Variants in KSR2 observed in about 807,000 individuals in gnomAD.
KSR2 encodes kinase suppressor of ras 2.
In KSR2, 25 loss-of-function variants were observed where a neutral mutation model predicts 107.8. The observed-to-expected ratio is 0.23, with a 90% confidence interval of 0.17 to 0.32. KSR2 has a LOEUF of 0.32. Among genes scored for constraint, KSR2 ranks in the 10% least tolerant of loss-of-function variants. The pLI is 1.00. For missense variants in KSR2, 887 were observed against 1,268.9 expected, an observed-to-expected ratio of 0.70 and a Z score of 4.57; for synonymous variants, 480 against 507.0, an observed-to-expected ratio of 0.95 and a Z score of 0.71.
chr12:117,530,021 AAAAC>A (rs1328673045), intron 12 of KSR2, among the ~76,000 whole-genome samples: 1 of 152,150 alleles, frequency 6.6e-6, no homozygotes, highest in Non-Finnish European at 1.5e-5. Context: ...ACTCTGTCTC[AAAAC>A]AAACAAACAA....
intron 15 of KSR2, 76 bp downstream of exon 15, chr12:117,485,519 C>A: frequency 9.0e-7 from 1 of 1,111,614 alleles, no homozygotes; most frequent in Non-Finnish European, 1.4e-6. Context: ...CTTAGGAGCC[C>A]TGGGGTAGGG....
chr12:117,515,030 C>T (rs1373786549), intron 14 of KSR2, among the ~76,000 whole-genome samples: 1 of 152,140 alleles, frequency 6.6e-6, no homozygotes, highest in Non-Finnish European at 1.5e-5. Flanking sequence ...GGGGCAGGTT[C>T]CAGGTCCCCA....
At chr12:117,887,871 G>C (rs1894222941) in intron 1 of KSR2, among the ~76,000 whole-genome samples, 1 of 152,150 alleles carries the variant, frequency 6.6e-6, no homozygotes, top group Non-Finnish European at 1.5e-5. Flanking sequence ...GGCCAGGAGT[G>C]GGCAGCCACA....
intron 14 of KSR2, among the ~76,000 whole-genome samples, chr12:117,513,017 TC>T (rs1308303275): frequency 6.6e-6 from 1 of 150,622 alleles, no homozygotes; most frequent in Non-Finnish European, 1.5e-5. Context: ...CGCCCACCCC[TC>T]CCCCCGCAAA....
At chr12:117,944,152 G>A (rs189269784) in intron 1 of KSR2, among the ~76,000 whole-genome samples, 1,880 of 151,448 alleles carry the variant, frequency 0.012, 40 homozygotes, top group Non-Finnish European at 0.015. Context: ...TGAGGCAGGC[G>A]GATCACCTGA....
chr12:117,745,386 A>C (rs2136801003), intron 4 of KSR2, among the ~76,000 whole-genome samples: 1 of 152,370 alleles, frequency 6.6e-6, no homozygotes, highest in Non-Finnish European at 1.5e-5. Flanking sequence ...AAAGGAAACA[A>C]TCAAGAGAGT....
Position 117,682,106 on chromosome 12 carries a change from A to C in KSR2, c.987-14448T>G, listed in dbSNP as rs561902100. On this transcript the variant is annotated intron_variant, in intron 4 of 19. Transcript: ENST00000339824. The stretch of plus-strand genomic sequence containing the variant: ...TGCAGCCATAAAAAGAAATGAGATC[A>C]TGTCCTTTGCAGGGACATGGACTGA... 2.0e-4 allele frequency among the ~76,000 whole-genome samples: 31 copies of C among 152,332 alleles called. 1 individual carries two copies. The highest frequency in any genetic ancestry group is 3.4e-3 in the Middle Eastern group (1 of 294).
At chr12:117,808,672 C>G (rs1891089399) in intron 3 of KSR2, among the ~76,000 whole-genome samples, 1 of 152,166 alleles carries the variant, frequency 6.6e-6, no homozygotes, top group Non-Finnish European at 1.5e-5. Context: ...CTCTGCCCAT[C>G]TCTCCATCCT....
chr12:117,765,226 G>C (rs1255279391), intron 3 of KSR2, among the ~76,000 whole-genome samples: 1 of 152,232 alleles, frequency 6.6e-6, no homozygotes. Context: ...GTTAGCCTAA[G>C]TAAAGCCTGT....
Position 117,858,423 on chromosome 12 carries a change from G to A in KSR2, c.321+1868C>T, listed in dbSNP as rs563339656. Among the ~76,000 whole-genome samples the A allele has an allele frequency of 1.3e-4, 20 of 152,190 alleles. No individual in the cohort carries two copies. In the South Asian group the frequency reaches 1.5e-3, roughly 11 times the overall value. On this transcript the variant is annotated intron_variant, in intron 2 of 19. Transcript: ENST00000339824. ...ATGAAATAAGGAAATACGAGATTGC[G>A]CGTGGTCTGATGTGCATATGCAAGA...
intron 7 of KSR2, among the ~76,000 whole-genome samples, chr12:117,568,591 C>G (rs919377320): frequency 6.6e-6 from 1 of 152,104 alleles, no homozygotes; most frequent in Non-Finnish European, 1.5e-5. Context: ...TCTGTTTCCT[C>G]GTCTGTAAAA....
chr12:117,931,968 C>T (rs1311703331), intron 1 of KSR2, among the ~76,000 whole-genome samples: 1 of 152,152 alleles, frequency 6.6e-6, no homozygotes, highest in Non-Finnish European at 1.5e-5. Context: ...GGCTCCATAA[C>T]TTAGAAAGAC....
intron 5 of KSR2, among the ~76,000 whole-genome samples, chr12:117,621,310 T>A (rs1243548886): frequency 6.6e-6 from 1 of 152,186 alleles, no homozygotes. Context: ...TTAAACCTCT[T>A]TTCTTTATAA....
intron 1 of KSR2, among the ~76,000 whole-genome samples, chr12:117,931,702 T>G (rs918067936): frequency 6.6e-6 from 1 of 152,132 alleles, no homozygotes; most frequent in Non-Finnish European, 1.5e-5. Context: ...ATAGGAACAA[T>G]ACAACCAGAA....
chr12:117,710,579 C>G (rs1886726327), intron 4 of KSR2, among the ~76,000 whole-genome samples: 1 of 152,108 alleles, frequency 6.6e-6, no homozygotes, highest in Non-Finnish European at 1.5e-5. Context: ...CAAATCTGAG[C>G]TTCACCTCTG....
intron 1 of KSR2, among the ~76,000 whole-genome samples, chr12:117,891,981 C>CAGAGTGAGACCCCGTCTCACA (rs1894359168): frequency 6.7e-6 from 1 of 150,116 alleles, no homozygotes; most frequent in Admixed American, 6.6e-5. Flanking sequence ...GCCTGGGTAA[C>CAGAGTGAGACCCCGTCTCACA]AGAGTGAGAC....
At chr12:117,669,169 T>A (rs1442888771) in intron 4 of KSR2, among the ~76,000 whole-genome samples, 1 of 152,230 alleles carries the variant, frequency 6.6e-6, no homozygotes, top group East Asian at 1.9e-4. Flanking sequence ...AGCCAGGGAC[T>A]GTCTCTTACA....
chr12:117,941,792 A>ATTTTTTTTT (rs542293863), intron 1 of KSR2, among the ~76,000 whole-genome samples: 1 of 97,800 alleles, frequency 1.0e-5, no homozygotes, highest in African/African-American at 4.1e-5. Flanking sequence ...GGCCTGGCTA[A>ATTTTTTTTT]TTTTTTTTTT....
intron 1 of KSR2, among the ~76,000 whole-genome samples, chr12:117,937,635 G>A (rs1298334533): frequency 1.3e-5 from 2 of 151,928 alleles, no homozygotes; most frequent in Non-Finnish European, 2.9e-5. Flanking sequence ...TTTAAAGACA[G>A]GAAAATATGT....
Sources: allele counts gnomAD v4.1 joint callset (sites outside exome capture counted in the v4.1 genomes callset), GRCh38; gene constraint gnomAD v4.1.1; transcripts MANE v1.5; gene names NCBI Gene and HGNC (gene_info 2026-07-23, HGNC 2026-07-21).